The following SLC37A2 variants were observed in gnomAD, a reference collection of about 807,000 sequenced individuals.
SLC37A2 encodes the protein glucose-6-phosphate exchanger SLC37A2.
A neutral mutation model predicts 70.7 loss-of-function variants in SLC37A2; 59 were observed. That is an observed-to-expected ratio of 0.83 (90% CI 0.68 to 1.04). The LOEUF is 1.04. Ranked by LOEUF, SLC37A2 falls within the 50% of genes least tolerant of loss-of-function variation. The pLI is 0.00. For missense variants in SLC37A2, 580 were observed against 658.1 expected (o/e 0.88, Z 1.30); for synonymous variants, 257 against 262.1 (o/e 0.98, Z 0.19).
intron 1 of SLC37A2, among the ~76,000 whole-genome samples, chr11:125,072,954 G>T (rs1388717227): frequency 1.3e-5 from 2 of 152,156 alleles, no homozygotes; most frequent in Non-Finnish European, 2.9e-5. Context: ...GCCAGGCCTA[G>T]TGTCACACAA....
At position 125,085,445 on chromosome 11, in the gene SLC37A2, G is replaced by A. The variant is rs183531018; in HGVS notation, c.1299G>A (p.Thr433=). 198 of 1,613,974 alleles carry A rather than the reference G, an allele frequency of 1.2e-4. No homozygotes were observed. In the East Asian group the frequency reaches 4.0e-3, roughly 32 times the overall value. Residue 433 remains threonine (T), a synonymous_variant, in exon 15 of 18, where the codon ACG becomes ACA. Transcript: ENST00000403796. The part of the protein sequence containing the change: ...KGNAKALSTV[T]AIIDGTGSIG... ...ACGCCAAAGCCCTGTCCACGGTCAC[G>A]GCCATCATTGACGGCACCGGCTCCA...
At position 125,082,176 on chromosome 11, in the gene SLC37A2, C is replaced by G. The variant is rs534042136; in HGVS notation, c.886-68C>G. On this transcript the variant is annotated intron_variant, in intron 9 of 17. Transcript: ENST00000403796. ...AAGTACTGGGGTGGTGCTGAGCACC[C>G]CTTGGGGCCACCACTGAACCCAGGA... 41 of 1,485,866 alleles carry G rather than the reference C, an allele frequency of 2.8e-5. No homozygotes were observed. In the South Asian group the frequency reaches 4.5e-4, roughly 16 times the overall value. 92.0% of individuals were successfully genotyped at this position (1,485,866 alleles called of 1,614,324 possible).
chr11:125,067,392 T>A (rs1948992734), intron 1 of SLC37A2, among the ~76,000 whole-genome samples: 2 of 152,186 alleles, frequency 1.3e-5, no homozygotes. Context: ...TAGAAACATG[T>A]CATGTACAGA....
At chr11:125,081,020 C>T (rs560023267) in intron 7 of SLC37A2, among the ~76,000 whole-genome samples, 3 of 152,148 alleles carry the variant, frequency 2.0e-5, no homozygotes, top group Non-Finnish European at 4.4e-5. Context: ...GCCAGGCCCA[C>T]AGGAGGTGCT....
intron 1 of SLC37A2, among the ~76,000 whole-genome samples, chr11:125,064,361 G>T (rs909052856): frequency 2.6e-5 from 4 of 151,582 alleles, no homozygotes; most frequent in Non-Finnish European, 5.9e-5. Context: ...CCTGTCTCTA[G>T]AAGTAAAAAA....
In SLC37A2 at chr11:125,081,775, G is replaced by C; in HGVS notation, c.754G>C (p.Asp252His). The stretch of plus-strand genomic sequence containing the variant: ...TCAGGGTGAGCCAGCTGAGAACCAG[G>C]ACAACCCTGAGGACCCTGGGAACAG... Reference protein sequence around the residue: ...QHHGEPAENQDNPEDPGNSPC... With the variant: ...QHHGEPAENQHNPEDPGNSPC... The change falls in exon 9 of 18, where the codon GAC (aspartate) becomes CAC (histidine). Residue 252 changes from aspartate to histidine, a missense_variant. Transcript: ENST00000403796. 1 of 1,607,420 alleles carries C rather than the reference G, an allele frequency of 6.2e-7. No homozygotes were observed. Among genetic ancestry groups the C allele is most frequent in the Non-Finnish European group, 8.5e-7 (1 of 1,176,910 alleles).
At chr11:125,077,122 G>T in intron 2 of SLC37A2, 108 bp from the exon 3 acceptor site, 1 of 902,608 alleles carries the variant, frequency 1.1e-6, no homozygotes, top group Non-Finnish European at 1.7e-6. Context: ...GCCAGTAGCG[G>T]GGACATAGAA....
Position 125,084,833 on chromosome 11 carries a change from G to C in SLC37A2, c.1134G>C (p.Leu378=), listed in dbSNP as rs201989817. 1.7e-4 allele frequency: 269 copies of C among 1,613,596 alleles called. 2 individuals carry two copies. In the South Asian group the frequency reaches 1.7e-3, roughly 10 times the overall value. ...CCCCTCTCCTCTCTCAGATGTTCCT[G>C]TACAACTACATTGGCCAGGACGGGA... is the stretch of plus-strand genomic sequence containing the variant. The part of the protein sequence containing the change: ...MLILAAPMMF[L]YNYIGQDGIA... The change falls in exon 13 of 18, where the codon CTG becomes CTC. Residue 378 remains leucine (L), a synonymous_variant. Transcript: ENST00000403796.
At chr11:125,073,563 G>C (rs188730484) in intron 1 of SLC37A2, among the ~76,000 whole-genome samples, 1 of 152,232 alleles carries the variant, frequency 6.6e-6, no homozygotes, top group Non-Finnish European at 1.5e-5. Flanking sequence ...GCGCCCTCTG[G>C]GCATCAGGAA....
At chr11:125,070,211 C>G (rs1231163142) in intron 1 of SLC37A2, among the ~76,000 whole-genome samples, 1 of 152,172 alleles carries the variant, frequency 6.6e-6, no homozygotes, top group African/African-American at 2.4e-5. Context: ...CTCGATCTTC[C>G]CCTGTGAGCT....
rs778505562 is a variant in SLC37A2, at chr11:125,085,642, A to C, written c.1393A>C (p.Met465Leu). 1 of 1,613,508 alleles carries C rather than the reference A, an allele frequency of 6.2e-7. No homozygotes were observed. Among genetic ancestry groups the C allele is most frequent in the African/African-American group, 1.3e-5 (1 of 74,898 alleles). ...CACGGGCTGGAACAATGTCTTCTAC[A>C]TGCTCATCTCTGCCGACGTCCTAGC... The part of the protein sequence containing the change: ...SPTGWNNVFY[M>L]LISADVLACL... Residue 465 changes from methionine to leucine, a missense_variant, in exon 16 of 18, where the codon ATG becomes CTG. Coordinates refer to ENST00000403796, the MANE Select transcript of SLC37A2 (RefSeq NM_001145290.2).
At position 125,076,829 on chromosome 11, in the gene SLC37A2, T is replaced by C; in HGVS notation, c.132T>C (p.Ser44=). 1 of 1,614,106 alleles carries C rather than the reference T, an allele frequency of 6.2e-7. No homozygotes were observed. The highest frequency in any genetic ancestry group is 1.1e-5 in the South Asian group (1 of 91,082). The part of the protein sequence containing the change: ...ACYHMSRKPI[S]IVKSRLHQNC... ...ATCACATGTCCAGGAAGCCTATCAG[T>C]ATCGTCAAGGTGAGGCTGGCTGGCA... Residue 44 remains serine, a synonymous_variant, in exon 2 of 18, where the codon AGT becomes AGC. Transcript: ENST00000403796.
chr11:125,085,374 C>T, intron 14 of SLC37A2, 21 bp from the exon 15 acceptor site: 2 of 1,610,062 alleles, frequency 1.2e-6, no homozygotes, highest in South Asian at 1.1e-5. Context: ...TGGGCTTCCC[C>T]ACTCCACTGT....
At position 125,077,535 on chromosome 11, in the gene SLC37A2, A is replaced by G. The variant is rs1198875944; in HGVS notation, c.314+7A>G. 1.2e-6 allele frequency: 2 copies of G among 1,611,018 alleles called. No homozygotes were observed. The highest frequency in any genetic ancestry group is 3.3e-5 in the Admixed American group (2 of 59,880). ...CCATCGGCATGTTCATCAGGTAAGG[A>G]CAGAGGCTGAGCCTATGACCAAGAG... On this transcript the variant is annotated splice_region_variant and intron_variant, in intron 4 of 17. Coordinates refer to ENST00000403796, the MANE Select transcript of SLC37A2 (RefSeq NM_001145290.2).
chr11:125,068,554 C>T (rs1949001994), intron 1 of SLC37A2, among the ~76,000 whole-genome samples: 1 of 152,078 alleles, frequency 6.6e-6, no homozygotes, highest in Admixed American at 6.6e-5. Context: ...TATTGAGTGC[C>T]AAAGGATGGC....
rs1354078122 is a variant in SLC37A2 at position 125,081,614 on chromosome 11, G to A, written c.733-140G>A. 6.5e-6 allele frequency: 9 copies of A among 1,381,892 alleles called. No individual in the cohort carries two copies. In the East Asian group the frequency reaches 1.4e-4, roughly 22 times the overall value. The allele number at this position is 1,381,892 out of a possible 1,614,324, so 85.6% of individuals were successfully genotyped here. On this transcript the variant is annotated intron_variant, in intron 8 of 17. Coordinates refer to ENST00000403796, the MANE Select transcript of SLC37A2 (RefSeq NM_001145290.2). ...ATGGGTTGGCCCTACAGCCTGATGA[G>A]TCTGGCAGGTCAGTCCAGCCCGAGA...
chr11:125,085,040 G>C (rs745638531), intron 13 of SLC37A2, 26 bp from the exon 14 acceptor site: 66 of 1,613,100 alleles, frequency 4.1e-5, no homozygotes, highest in Non-Finnish European at 5.2e-5. Flanking sequence ...CTGCTTCTCT[G>C]ACTGGCTGTC....
At chr11:125,079,041 G>A in intron 4 of SLC37A2, 71 bp from the exon 5 acceptor site, 2 of 1,597,936 alleles carry the variant, frequency 1.3e-6, no homozygotes, top group Admixed American at 3.4e-5. Flanking sequence ...CGTGGTGGGG[G>A]CAGAAACATG....
In SLC37A2 at chr11:125,085,655, C is replaced by A; in HGVS notation, c.1406C>A (p.Ala469Asp). The change falls in exon 16 of 18, where the codon GCC becomes GAC. Residue 469 changes from alanine to aspartate, a missense_variant. Transcript: ENST00000403796. ...AATGTCTTCTACATGCTCATCTCTG[C>A]CGACGTCCTAGCCTGCTTGGTAAGA... ...WNNVFYMLIS[A>D]DVLACLLLCR... 6.2e-7 allele frequency: 1 copy of A among 1,613,200 alleles called. No individual in the cohort carries two copies. The highest frequency in any genetic ancestry group is 2.2e-5 in the East Asian group (1 of 44,816).
Sources: gnomAD v4.1 joint callset for allele counts (sites outside exome capture counted in the v4.1 genomes callset) on GRCh38, gnomAD v4.1.1 for gene constraint, MANE v1.5 for transcripts, NCBI Gene and HGNC (gene_info 2026-07-23, HGNC 2026-07-21) for gene names.